CNTNAP4: variants seen among roughly 807,000 people sequenced by gnomAD.
CNTNAP4 encodes the protein contactin-associated protein-like 4.
Under a neutral mutation model 148.4 loss-of-function variants are expected in CNTNAP4, and 98 were observed. The ratio of observed to expected loss-of-function variants is 0.66; its 90% confidence interval spans 0.56 to 0.78. The LOEUF (loss-of-function observed/expected upper bound fraction) is 0.78, where lower values mean the gene tolerates loss of function less well. CNTNAP4 is among the 30% of genes least tolerant of loss of function. The pLI is 0.00. For missense variants in CNTNAP4, 1,935 were observed against 1,565.6 expected (o/e 1.24, Z -3.98); for synonymous variants, 730 against 565.1 (o/e 1.29, Z -4.14).
chr16:76,484,136 A>C (rs143783493), intron 12 of CNTNAP4, among the ~76,000 whole-genome samples: 81 of 151,766 alleles, frequency 5.3e-4, no homozygotes, highest in African/African-American at 1.9e-3. Context: ...ATTGTAGTTA[A>C]GACTAAACAA....
At chr16:76,533,387 T>A (rs2084069969) in intron 17 of CNTNAP4, among the ~76,000 whole-genome samples, 1 of 152,152 alleles carries the variant, frequency 6.6e-6, no homozygotes, top group Non-Finnish European at 1.5e-5. Context: ...CTATTACAGC[T>A]AGACAGGAGG....
intron 15 of CNTNAP4, among the ~76,000 whole-genome samples, chr16:76,500,296 C>G (rs910907131): frequency 1.3e-4 from 20 of 152,212 alleles, no homozygotes; most frequent in African/African-American, 4.8e-4. Flanking sequence ...TTTTTAAGTA[C>G]GGTCTGAAAT....
intron 10 of CNTNAP4, among the ~76,000 whole-genome samples, chr16:76,472,963 T>G (rs1177559100): frequency 2.0e-5 from 3 of 151,478 alleles, no homozygotes; most frequent in Non-Finnish European, 1.5e-5. Flanking sequence ...AAAATAAGAG[T>G]TAAAAAATAA....
intron 15 of CNTNAP4, among the ~76,000 whole-genome samples, chr16:76,504,908 C>G (rs1378609226): frequency 1.3e-5 from 2 of 152,060 alleles, no homozygotes; most frequent in Non-Finnish European, 2.9e-5. Context: ...CAATGTGATA[C>G]CAATATGTAA....
chr16:76,277,627 C>T lies in CNTNAP4; in HGVS notation c.-36C>T. On this transcript the variant is annotated 5_prime_UTR_variant, in exon 1 of 24. Coordinates refer to ENST00000611870, the MANE Select transcript of CNTNAP4 (RefSeq NM_033401.5). ...GAGGACTGGAGCGCTCTGAGAGCCT[C>T]TCAAGATCTTTTGGGGGAGCCCAAT... 5 of 1,494,326 alleles carry T rather than the reference C, an allele frequency of 3.3e-6. No individual in the cohort carries two copies. Among genetic ancestry groups the T allele is most frequent in the Non-Finnish European group, 4.6e-6 (5 of 1,085,586 alleles). The allele number at this position is 1,494,326 out of a possible 1,614,324, so 92.6% of individuals were successfully genotyped here.
intron 3 of CNTNAP4, among the ~76,000 whole-genome samples, chr16:76,396,191 A>G (rs2078197123): frequency 6.6e-6 from 1 of 152,224 alleles, no homozygotes; most frequent in African/African-American, 2.4e-5. Context: ...GCGTTTATAT[A>G]GCTAAAAAAG....
intron 4 of CNTNAP4, chr16:76,432,563 G>T (rs973629343): frequency 1.1e-4 from 17 of 152,078 alleles, no homozygotes; most frequent in African/African-American, 3.9e-4. Context: ...AAAAAGAAAA[G>T]AAAATGTTTG....
intron 1 of CNTNAP4, among the ~76,000 whole-genome samples, chr16:76,293,819 CTT>C (rs1209734206): frequency 7.3e-5 from 10 of 137,328 alleles, no homozygotes; most frequent in Non-Finnish European, 6.2e-5. Flanking sequence ...GAACAAGCTG[CTT>C]TTTTTTTTTT....
At chr16:76,365,014 C>T (rs901898197) in intron 3 of CNTNAP4, among the ~76,000 whole-genome samples, 4 of 152,064 alleles carry the variant, frequency 2.6e-5, no homozygotes, top group Non-Finnish European at 5.9e-5. Flanking sequence ...ATAGGTCTTA[C>T]GTTTAAGTCT....
chr16:76,500,599 C>CTT (rs5818000), intron 15 of CNTNAP4, among the ~76,000 whole-genome samples: 2 of 148,514 alleles, frequency 1.3e-5, no homozygotes, highest in African/African-American at 5.1e-5. Context: ...CTGTAAATCT[C>CTT]TTTTTTTTTT....
At chr16:76,321,760 G>A (rs1190073140) in intron 2 of CNTNAP4, among the ~76,000 whole-genome samples, 1 of 135,968 alleles carries the variant, frequency 7.4e-6, no homozygotes, top group African/African-American at 2.8e-5. Flanking sequence ...CTGCACTCCA[G>A]CCTGGTGACA....
At chr16:76,450,640 TCTG>T (rs1278424907) in intron 7 of CNTNAP4, among the ~76,000 whole-genome samples, 1 of 152,136 alleles carries the variant, frequency 6.6e-6, no homozygotes, top group Non-Finnish European at 1.5e-5. Context: ...ATGTAGGAAA[TCTG>T]CACCAAGAGA....
At chr16:76,448,989 AT>A (rs760653830) in intron 6 of CNTNAP4, 38 bp downstream of exon 6, 1 of 1,569,392 alleles carries the variant, frequency 6.4e-7, no homozygotes, top group South Asian at 1.1e-5. Context: ...TGATTTTATT[AT>A]GTATATGTGG....
chr16:76,362,543 C>G (rs913529922), intron 3 of CNTNAP4, among the ~76,000 whole-genome samples: 1 of 152,140 alleles, frequency 6.6e-6, no homozygotes, highest in African/African-American at 2.4e-5. Context: ...CAATATGGTG[C>G]TGGCATAAAG....
intron 18 of CNTNAP4, among the ~76,000 whole-genome samples, chr16:76,536,888 T>C (rs1017121873): frequency 1.3e-5 from 2 of 152,178 alleles, no homozygotes; most frequent in African/African-American, 4.8e-5. Flanking sequence ...AAGTGTCTCT[T>C]GGCTATTGAA....
At chr16:76,446,564 AG>A (rs1291542404) in intron 4 of CNTNAP4, among the ~76,000 whole-genome samples, 1 of 152,204 alleles carries the variant, frequency 6.6e-6, no homozygotes, top group Non-Finnish European at 1.5e-5. Flanking sequence ...TTTGACAATA[AG>A]TAGATAAGAC....
intron 2 of CNTNAP4, among the ~76,000 whole-genome samples, chr16:76,324,294 AATAC>A (rs1347668252): frequency 6.6e-6 from 1 of 152,222 alleles, no homozygotes; most frequent in African/African-American, 2.4e-5. Flanking sequence ...CATTATCACT[AATAC>A]ATAAACATTT....
At chr16:76,347,957 A>G (rs922532998) in intron 2 of CNTNAP4, among the ~76,000 whole-genome samples, 55 of 152,234 alleles carry the variant, frequency 3.6e-4, no homozygotes, top group African/African-American at 1.2e-3. Context: ...GCACAGGTAT[A>G]ATATTTCACA....
In CNTNAP4 at chr16:76,277,548, A is replaced by G; in HGVS notation, c.-115A>G. 1.5e-6 allele frequency: 1 copy of G among 660,696 alleles called. No individual in the cohort carries two copies. Among genetic ancestry groups the G allele is most frequent in the South Asian group, 1.8e-5 (1 of 56,614 alleles). The allele number at this position is 660,696 out of a possible 1,614,324, so 40.9% of individuals were successfully genotyped here. A position where few individuals can be genotyped will look rare whatever the true frequency, so the allele number is the denominator to read the frequency against. The stretch of plus-strand genomic sequence containing the variant: ...GGTGAGGAGGAAGGGAGGGGGAGAG[A>G]CAGAGACCTAGAGGGGCTGAAGACC... On this transcript the variant is annotated 5_prime_UTR_variant, in exon 1 of 24. Transcript: ENST00000611870.
Sources: allele counts gnomAD v4.1 joint callset (sites outside exome capture counted in the v4.1 genomes callset), GRCh38; gene constraint gnomAD v4.1.1; transcripts MANE v1.5; gene names NCBI Gene and HGNC (gene_info 2026-07-23, HGNC 2026-07-21).